The following DBR1 variants were observed in gnomAD, a reference collection of about 807,000 sequenced individuals.
DBR1 encodes the protein debranching RNA lariats 1, also known as lariat debranching enzyme.
DBR1 carries 33 observed loss-of-function variants against 45.9 expected under a neutral mutation model. The observed-to-expected ratio is 0.72, with a 90% CI of 0.55 to 0.96. The LOEUF (loss-of-function observed/expected upper bound fraction) is 0.96, where lower values mean the gene tolerates loss of function less well. DBR1 is among the 40% of genes least tolerant of loss of function. The pLI is 0.00. For synonymous variants in DBR1, 235 were observed against 235.9 expected, an observed-to-expected ratio of 1.00 and a Z score of 0.04; for missense variants, 619 against 667.4, an observed-to-expected ratio of 0.93 and a Z score of 0.80.
rs149610079 is a variant in DBR1, at chr3:138,167,206, G to A, written c.589C>T (p.Arg197Ter). ...AATGTGTTATTTTCCACTTCTTGTC[G>A]GAAAAAAGATTTAGTCTTAAGAAGT... ...KQLLKTKSFF[R>*]QEVENNTLGS... Residue 197 changes from arginine (R) to a stop codon, truncating the protein, a stop_gained, in exon 5 of 8, where the codon CGA becomes TGA. Transcript: ENST00000260803. LOFTEE classifies it high-confidence loss of function. The A allele has an allele frequency of 1.5e-5, 24 of 1,613,172 alleles. No homozygotes were observed. Among genetic ancestry groups the A allele is most frequent in the South Asian group, 5.5e-5 (5 of 90,884 alleles).
chr3:138,163,265 TCAAAA>T (rs758671408), intron 7 of DBR1, 79 bp downstream of exon 7: 7 of 1,453,232 alleles, frequency 4.8e-6, no homozygotes, highest in African/African-American at 2.8e-5. Flanking sequence ...AGACCCTGTT[TCAAAA>T]CAAAACAAAA....
rs1371477896 is a variant in DBR1, at chr3:138,162,304, G to A, written c.1220C>T (p.Ser407Phe). The change falls in exon 8 of 8, where the codon TCT becomes TTT. Residue 407 changes from serine (S) to phenylalanine (F), a missense_variant. By Grantham distance (155) the Ser-to-Phe change is radical. This residue lies in a region of DBR1 where 182 missense variants were observed against 196.1 expected (regional missense o/e 0.93). Coordinates refer to ENST00000260803, the MANE Select transcript of DBR1 (RefSeq NM_016216.4). The stretch of plus-strand genomic sequence containing the variant: ...ATTATATTCACTCTGGTCTTCTCCA[G>A]AGTCATTACTCTCCACATCATCCTG... ...EEQDDVESNDSGEDQSEYNTD... is the reference protein window; with the variant it reads ...EEQDDVESNDFGEDQSEYNTD... 4 of 1,614,076 alleles carry A rather than the reference G, an allele frequency of 2.5e-6. No homozygotes were observed. The highest frequency in any genetic ancestry group is 2.7e-5 in the African/African-American group (2 of 74,926).
intron 3 of DBR1, among the ~76,000 whole-genome samples, chr3:138,171,148 T>G (rs1289507247): frequency 6.6e-6 from 1 of 152,000 alleles, no homozygotes; most frequent in African/African-American, 2.4e-5. Context: ...ATCTATACTG[T>G]TTTATTTCTT....
chr3:138,173,698 A>G, intron 1 of DBR1, 72 bp from the exon 2 acceptor site: 1 of 1,483,614 alleles, frequency 6.7e-7, no homozygotes, highest in South Asian at 1.3e-5. Context: ...CGAAAAAAAA[A>G]AAGAAACTGA....
chr3:138,173,377 T>C (rs866804314), intron 2 of DBR1, 125 bp downstream of exon 2: 3 of 932,748 alleles, frequency 3.2e-6, no homozygotes, highest in Middle Eastern at 2.4e-4. Flanking sequence ...ATTTTCACGA[T>C]TAAGTATTTA....
At chr3:138,164,924 G>A (rs1484865312) in intron 5 of DBR1, among the ~76,000 whole-genome samples, 1 of 152,174 alleles carries the variant, frequency 6.6e-6, no homozygotes, top group African/African-American at 2.4e-5. Context: ...TGGGATTACA[G>A]GCATGAGCCA....
Position 138,161,062 on chromosome 3 carries a change from T to C in DBR1, c.*827A>G, listed in dbSNP as rs2042904224. 1 of 152,210 alleles carries C rather than the reference T, an allele frequency of 6.6e-6. No homozygotes were observed. The highest frequency in any genetic ancestry group is 1.5e-5 in the Non-Finnish European group (1 of 68,044). The allele number at this position is 152,210 out of a possible 1,614,324, so 9.4% of individuals were successfully genotyped here. Reference sequence around the variant, plus strand: ...CTGAAATCTTATATACCATCTTCAATTTCAATTTTTATTTGACAGATATTA... The same window carrying C: ...CTGAAATCTTATATACCATCTTCAACTTCAATTTTTATTTGACAGATATTA... On this transcript the variant is annotated 3_prime_UTR_variant, in exon 8 of 8. Transcript: ENST00000260803.
intron 1 of DBR1, 33 bp downstream of exon 1, chr3:138,174,566 C>G (rs188369819): frequency 1.3e-5 from 20 of 1,539,380 alleles, no homozygotes; most frequent in Admixed American, 1.1e-4. Context: ...CCCACCCCCC[C>G]ACCGCCAAGT....
Position 138,162,385 on chromosome 3 carries a change from T to C in DBR1, c.1139A>G (p.Asn380Ser), listed in dbSNP as rs752794375. 1 of 1,614,064 alleles carries C rather than the reference T, an allele frequency of 6.2e-7. No homozygotes were observed. The highest frequency in any genetic ancestry group is 1.3e-5 in the African/African-American group (1 of 74,938). ...FCAQLGIIDINVRLQKSKEEH... is the reference protein window; with the variant it reads ...FCAQLGIIDISVRLQKSKEEH... ...TTCCTTGGACTTCTGAAGCCTAACA[T>C]TGATGTCTATGATGCCAAGTTGGGC... is the stretch of plus-strand genomic sequence containing the variant. The change falls in exon 8 of 8, where the codon AAT (asparagine) becomes AGT (serine). Residue 380 changes from asparagine to serine, a missense_variant. Coordinates refer to ENST00000260803, the MANE Select transcript of DBR1 (RefSeq NM_016216.4).
intron 2 of DBR1, 62 bp downstream of exon 2, chr3:138,173,440 G>A (rs993071402): frequency 2.6e-5 from 41 of 1,570,100 alleles, no homozygotes; most frequent in South Asian, 2.6e-4. Flanking sequence ...TCCAACTAAC[G>A]CAAATCCTGA....
chr3:138,172,811 G>A lies in DBR1; in HGVS notation c.322+691C>T, dbSNP rs1452198370. ...AAAGCGAGACAGGGAGACTATTTTAGTCTAATAGACTTCAGAGTCATGACA... is the reference window on the plus strand; with the variant it reads ...AAAGCGAGACAGGGAGACTATTTTAATCTAATAGACTTCAGAGTCATGACA... On this transcript the variant is annotated intron_variant, in intron 2 of 7. Transcript: ENST00000260803. Among the ~76,000 whole-genome samples, 5 of 152,130 alleles carry A rather than the reference G, an allele frequency of 3.3e-5. No homozygotes were observed. The East Asian group carries it at 7.7e-4, about 23-fold the overall frequency.
At chr3:138,164,959 T>A (rs1483868412) in intron 5 of DBR1, among the ~76,000 whole-genome samples, 1 of 152,126 alleles carries the variant, frequency 6.6e-6, no homozygotes, top group Admixed American at 6.5e-5. Context: ...ATTAATTTTA[T>A]GCTATGTAAA....
chr3:138,168,962 CAA>C (rs542327826), intron 4 of DBR1, among the ~76,000 whole-genome samples: 4 of 133,448 alleles, frequency 3.0e-5, no homozygotes, highest in African/African-American at 2.8e-5. Context: ...GACCTTGTCT[CAA>C]AAAAAAAAAA....
At chr3:138,162,636 A>C in intron 7 of DBR1, 54 bp from the exon 8 acceptor site, 2 of 1,402,980 alleles carry the variant, frequency 1.4e-6, no homozygotes, top group Non-Finnish European at 2.0e-6. Context: ...TAAACAATAA[A>C]TGATGAAATC....
At chr3:138,165,078 C>T (rs941744184) in intron 5 of DBR1, among the ~76,000 whole-genome samples, 1 of 152,086 alleles carries the variant, frequency 6.6e-6, no homozygotes, top group Non-Finnish European at 1.5e-5. Flanking sequence ...AAAACTTTCC[C>T]CAGCATCTCT....
rs770125137 is a variant in DBR1 at position 138,162,157 on chromosome 3, T to C, written c.1367A>G (p.Asp456Gly). Residue 456 changes from aspartate (D) to glycine (G), a missense_variant, in exon 8 of 8, where the codon GAT becomes GGT. Physicochemically the swap from Asp to Gly is moderately conservative, Grantham distance 94. Transcript: ENST00000260803. ...GMNTPSVEPS[D>G]QASEFSASFS... ...ACTTGCAGAAAACTCAGAAGCTTGA[T>C]CAGAAGGTTCTACCGATGGTGTATT... 1.1e-5 allele frequency: 18 copies of C among 1,614,178 alleles called. No individual in the cohort carries two copies. Among genetic ancestry groups the C allele is most frequent in the Non-Finnish European group, 1.4e-5 (17 of 1,180,032 alleles).
rs1307162031 is a variant in DBR1, at chr3:138,162,073, T to C, written c.1451A>G (p.Asp484Gly). Residue 484 changes from aspartate to glycine, a missense_variant, in exon 8 of 8, where the codon GAT becomes GGT. Physicochemically the swap from Asp to Gly is moderately conservative, Grantham distance 94. Coordinates refer to ENST00000260803, the MANE Select transcript of DBR1 (RefSeq NM_016216.4). ...TTTCCCCTCTCTATCAATTGTGGAA[T>C]CCACCGTATCATCAGAAGATACAAT... is the stretch of plus-strand genomic sequence containing the variant. ...SMIVSSDDTV[D>G]STIDREGKPG... The C allele has an allele frequency of 4.3e-6, 7 of 1,614,038 alleles. No individual in the cohort carries two copies. The highest frequency in any genetic ancestry group is 5.9e-6 in the Non-Finnish European group (7 of 1,180,040).
At chr3:138,164,015 T>C (rs2042919369) in intron 5 of DBR1, 157 bp from the exon 6 acceptor site, 7 of 497,976 alleles carry the variant, frequency 1.4e-5, no homozygotes, top group Non-Finnish European at 2.5e-5. Flanking sequence ...GTTAATTCTA[T>C]ACCCACTTGT....
intron 1 of DBR1, among the ~76,000 whole-genome samples, chr3:138,174,047 G>T (rs1382589011): frequency 1.4e-5 from 2 of 143,300 alleles, no homozygotes; most frequent in African/African-American, 5.1e-5. Context: ...AAAAAAAAAG[G>T]AATTGCCCAG....
Sources: allele counts gnomAD v4.1 joint callset (sites outside exome capture counted in the v4.1 genomes callset), GRCh38; gene constraint gnomAD v4.1.1; regional missense constraint gnomAD v4.1.1; transcripts MANE v1.5; gene names NCBI Gene and HGNC (gene_info 2026-07-23, HGNC 2026-07-21).